The following VAT1 variants were observed in gnomAD, a reference collection of about 807,000 sequenced individuals.
VAT1 encodes the protein NADPH-dependent quinone oxidoreductase VAT1.
A neutral mutation model predicts 33.3 loss-of-function variants in VAT1; 24 were observed. The ratio of observed to expected loss-of-function variants is 0.72; its 90% CI spans 0.52 to 1.01. The LOEUF is 1.01. Ranked by LOEUF, VAT1 falls within the 50% of genes least tolerant of loss-of-function variation. VAT1 has a pLI of 0.00. For synonymous variants in VAT1, 212 were observed against 225.0 expected (o/e 0.94, Z 0.52); for missense variants, 436 against 533.7 (o/e 0.82, Z 1.80).
At position 43,014,785 on chromosome 17, in the gene VAT1, TA is replaced by T. The variant is rs2151970111; in HGVS notation, c.*1275del. 1 of 153,830 alleles carries T rather than the reference TA, an allele frequency of 6.5e-6. No individual in the cohort carries two copies. The highest frequency in any genetic ancestry group is 2.0e-4 in the South Asian group (1 of 4,884). 9.5% of individuals were successfully genotyped at this position (153,830 alleles called of 1,614,324 possible). ...TTGGGGCAATAACCCTCCCTAATCC[TA>T]GCTCAGTGAGTAGAGGGAGTGACCT... is the stretch of plus-strand genomic sequence containing the variant. On this transcript the variant is annotated 3_prime_UTR_variant, in exon 6 of 6. Transcript: ENST00000355653.
At chr17:43,018,850 C>CTAT (rs1347139319) in intron 1 of VAT1, 51 bp from the exon 2 acceptor site, 1 of 1,601,310 alleles carries the variant, frequency 6.2e-7, no homozygotes. Flanking sequence ...CACCCACAGG[C>CTAT]TATTTACTGA....
Position 43,018,789 on chromosome 17 carries a change from C to T in VAT1, c.398G>A (p.Arg133Gln), listed in dbSNP as rs147099695. 2.3e-4 allele frequency: 364 copies of T among 1,614,028 alleles called. No homozygotes were observed. The highest frequency in any genetic ancestry group is 2.8e-4 in the Non-Finnish European group (336 of 1,180,048). The change falls in exon 2 of 6, where the codon CGG (arginine) becomes CAG (glutamine). Residue 133 changes from arginine to glutamine, a missense_variant. Physicochemically the swap from Arg to Gln is conservative, Grantham distance 43. Around this residue, in one of 2 missense-constraint regions of VAT1, gnomAD observed 282 missense variants for 405.4 expected, o/e 0.70. Transcript: ENST00000355653. ...EGVSDRKAGD[R>Q]VMVLNRSGMW... ...CCCTGACCGGTTCAACACCATCACC[C>T]GGTCTCCTGCCTTGAAGAACAGAAG...
At chr17:43,020,043 A>G (rs1483712549) in intron 1 of VAT1, 54 of 948,406 alleles carry the variant, frequency 5.7e-5, no homozygotes, top group Non-Finnish European at 6.7e-5. Context: ...GGGACTCAGG[A>G]CTAGCAGATA....
rs753416587 is a variant in VAT1, at chr17:43,016,483, G to A, written c.922C>T (p.Gln308Ter). Residue 308 changes from glutamine (Q) to a stop codon, truncating the protein, a stop_gained, in exon 5 of 6, where the codon CAG becomes TAG. Coordinates refer to ENST00000355653, the MANE Select transcript of VAT1 (RefSeq NM_006373.4). LOFTEE classifies it high-confidence loss of function. The stretch of plus-strand genomic sequence containing the variant: ...AGCTGCAGAGCTGTCACGCTGAACT[G>A]ATTCCACCATGTCCGGGCCAGGGCC... ...LMALARTWWN[Q>*]FSVTALQLLQ... 2 of 1,614,178 alleles carry A rather than the reference G, an allele frequency of 1.2e-6. No individual in the cohort carries two copies. The highest frequency in any genetic ancestry group is 2.2e-5 in the South Asian group (2 of 91,080).
Position 43,015,842 on chromosome 17 carries a change from G to A in VAT1, c.*219C>T, listed in dbSNP as rs1370253594. 2.4e-5 allele frequency: 15 copies of A among 614,534 alleles called. No individual in the cohort carries two copies. In the East Asian group the frequency reaches 2.5e-4, roughly 10 times the overall value. The allele number at this position is 614,534 out of a possible 1,614,324, so 38.1% of individuals were successfully genotyped here. A position where few individuals can be genotyped will look rare whatever the true frequency, so the allele number is the denominator to read the frequency against. ...CGGCCTCCCTCTGACCCTCCCTGTC[G>A]CCTTGGCAGGGCCCAGACATCCAAA... On this transcript the variant is annotated 3_prime_UTR_variant, in exon 6 of 6. Transcript: ENST00000355653.
rs1455230555 is a variant in VAT1 at position 43,015,248 on chromosome 17, C to T, written c.*813G>A. 2 of 152,582 alleles carry T rather than the reference C, an allele frequency of 1.3e-5. No homozygotes were observed. Among genetic ancestry groups the T allele is most frequent in the Admixed American group, 6.6e-5 (1 of 15,236 alleles). 9.5% of individuals were successfully genotyped at this position (152,582 alleles called of 1,614,324 possible). On this transcript the variant is annotated 3_prime_UTR_variant, in exon 6 of 6. Transcript: ENST00000355653. ...TTGTGGGACTGGGGAGGAGAGAAAC[C>T]CCAGCTCCACCAGAACAAGGAAGGC...
At position 43,016,142 on chromosome 17, in the gene VAT1, C is replaced by T; in HGVS notation, c.1101G>A (p.Val367=). ...HIDSVWPFEK[V]ADAMKQMQEK... The stretch of plus-strand genomic sequence containing the variant: ...CCTGCATCTGTTTCATGGCATCAGC[C>T]ACCTGGGGAGGAAGGAAAGATGCGG... The change falls in exon 6 of 6, where the codon GTG becomes GTA. Residue 367 remains valine, a splice_region_variant and synonymous_variant. Transcript: ENST00000355653. The T allele has an allele frequency of 1.9e-6, 3 of 1,614,136 alleles. No individual in the cohort carries two copies. The highest frequency in any genetic ancestry group is 1.1e-5 in the South Asian group (1 of 91,082).
intron 1 of VAT1, chr17:43,019,435 T>C (rs2050547571): frequency 6.5e-6 from 1 of 152,732 alleles, no homozygotes; most frequent in Non-Finnish European, 1.5e-5. Flanking sequence ...AAGACGGCAC[T>C]GTGTGGTCAG....
At position 43,022,316 on chromosome 17, in the gene VAT1, C is replaced by G. The variant is rs1205795309; in HGVS notation, c.7G>C (p.Asp3His). The change falls in exon 1 of 6, where the codon GAC becomes CAC. Residue 3 changes from aspartate (D) to histidine (H), a missense_variant. Physicochemically the swap from Asp to His is moderately conservative, Grantham distance 81. This residue lies in a region of VAT1 where 154 missense variants were observed against 128.3 expected (regional missense o/e 1.20). Coordinates refer to ENST00000355653, the MANE Select transcript of VAT1 (RefSeq NM_006373.4). ...GCTGCCTCGGCTACCTCTCTCTCGT[C>G]GGACATGGCTGGGACTCCCGACGAG... MSDEREVAEAATG... is the reference protein window; with the variant it reads MSHEREVAEAATG... 2 of 1,579,538 alleles carry G rather than the reference C, an allele frequency of 1.3e-6. No homozygotes were observed. The highest frequency in any genetic ancestry group is 1.7e-6 in the Non-Finnish European group (2 of 1,165,568).
Position 43,017,789 on chromosome 17 carries a change from AC to A in VAT1, c.856+51del, listed in dbSNP as rs780618587. On this transcript the variant is annotated intron_variant, in intron 4 of 5. Transcript: ENST00000355653. ...CTGGCCTCTATATCCCACCCCTTAG[AC>A]CCTCCCTCCTGCCCTCACATGCTCT... 1.9e-6 allele frequency: 3 copies of A among 1,559,964 alleles called. No individual in the cohort carries two copies. The East Asian group carries it at 6.7e-5, about 35-fold the overall frequency.
At chr17:43,020,260 C>G (rs1035279958) in intron 1 of VAT1, 1 of 985,332 alleles carries the variant, frequency 1.0e-6, no homozygotes, top group African/African-American at 1.7e-5. Context: ...AGAATCCAGG[C>G]TCTTACATCA....
intron 5 of VAT1, 35 bp downstream of exon 5, chr17:43,016,272 T>C: frequency 1.9e-6 from 3 of 1,606,958 alleles, no homozygotes; most frequent in South Asian, 1.1e-5. Flanking sequence ...TCATGAGTCC[T>C]ACCCAAGCCC....
At position 43,022,090 on chromosome 17, in the gene VAT1, T is replaced by C. The variant is rs776140745; in HGVS notation, c.233A>G (p.Gln78Arg). The C allele has an allele frequency of 6.3e-7, 1 of 1,588,252 alleles. No individual in the cohort carries two copies. Among genetic ancestry groups the C allele is most frequent in the Admixed American group, 1.8e-5 (1 of 56,750 alleles). The change falls in exon 1 of 6, where the codon CAG (glutamine) becomes CGG (arginine). Residue 78 changes from glutamine to arginine, a missense_variant. Coordinates refer to ENST00000355653, the MANE Select transcript of VAT1 (RefSeq NM_006373.4). ...PAAPPAPGPG[Q>R]LTLRLRACGL... is the part of the protein sequence containing the mutation. ...GCAGGCCCGCAGACGCAGCGTCAGC[T>C]GGCCGGGCCCAGGGGCCGGGGGCGC...
At position 43,015,667 on chromosome 17, in the gene VAT1, G is replaced by A. The variant is rs1218656862; in HGVS notation, c.*394C>T. On this transcript the variant is annotated 3_prime_UTR_variant, in exon 6 of 6. Transcript: ENST00000355653. ...GATTGGCCCCATATCCTGAGCTGAC[G>A]TTTCAATTCTTTGGGGAGGTGGCGG... The A allele has an allele frequency of 3.0e-5, 8 of 263,074 alleles. No homozygotes were observed. Among genetic ancestry groups the A allele is most frequent in the Admixed American group, 3.0e-4 (6 of 19,954 alleles). 16.3% of individuals were successfully genotyped at this position (263,074 alleles called of 1,614,324 possible).
Position 43,018,626 on chromosome 17 carries a change from C to G in VAT1, c.561G>C (p.Gln187His). The G allele has an allele frequency of 6.2e-7, 1 of 1,614,006 alleles. No homozygotes were observed. Among genetic ancestry groups the G allele is most frequent in the Non-Finnish European group, 8.5e-7 (1 of 1,180,050 alleles). ...YMVLFDFGNLQPGHSVLVHMA... is the reference protein window; with the variant it reads ...YMVLFDFGNLHPGHSVLVHMA... ...TGTGTACCAAGACGCTGTGGCCAGG[C>G]TGTAGGTTGCCGAAGTCAAAGAGGA... The change falls in exon 2 of 6, where the codon CAG (glutamine) becomes CAC (histidine). Residue 187 changes from glutamine (Q) to histidine (H), a missense_variant. This residue lies in a region of VAT1 where 282 missense variants were observed against 405.4 expected (regional missense o/e 0.70). Coordinates refer to ENST00000355653, the MANE Select transcript of VAT1 (RefSeq NM_006373.4).
chr17:43,020,031 C>G, intron 1 of VAT1: 1 of 916,388 alleles, frequency 1.1e-6, no homozygotes, highest in Non-Finnish European at 1.3e-6. Context: ...GCCCTCCACC[C>G]AGGGACTCAG....
chr17:43,022,254 G>A lies in VAT1; in HGVS notation c.69C>T (p.Thr23=). Residue 23 remains threonine (T), a synonymous_variant, in exon 1 of 6, where the codon ACC becomes ACT. Coordinates refer to ENST00000355653, the MANE Select transcript of VAT1 (RefSeq NM_006373.4). The stretch of plus-strand genomic sequence containing the variant: ...GATGCTGGGGGTCGCTCGCTGCCTC[G>A]GTTTTCGGAGGCGGCGAAGAGGCGT... The part of the protein sequence containing the change: ...GEDASSPPPK[T]EAASDPQHPA... 6.3e-7 allele frequency: 1 copy of A among 1,585,312 alleles called. No individual in the cohort carries two copies.
Position 43,015,866 on chromosome 17 carries a change from A to C in VAT1, c.*195T>G. The C allele has an allele frequency of 1.5e-6, 1 of 674,266 alleles. No homozygotes were observed. The highest frequency in any genetic ancestry group is 2.6e-6 in the Non-Finnish European group (1 of 386,352). 41.8% of individuals were successfully genotyped at this position (674,266 alleles called of 1,614,324 possible). On this transcript the variant is annotated 3_prime_UTR_variant, in exon 6 of 6. Coordinates refer to ENST00000355653, the MANE Select transcript of VAT1 (RefSeq NM_006373.4). ...CGCCTTGGCAGGGCCCAGACATCCA[A>C]ATGGTCACTTCCCAACCTCTTCAGA... is the stretch of plus-strand genomic sequence containing the variant.
rs765451512 is a variant in VAT1 at position 43,022,161 on chromosome 17, G to A, written c.162C>T (p.Thr54=). Residue 54 remains threonine (T), a synonymous_variant, in exon 1 of 6, where the codon ACC becomes ACT. Transcript: ENST00000355653. ...TCACCTTGTCGTAGCCTCCAAAGCC[G>A]GTGAGCACTAGGCAGCGCAGCAGTG... ...SPPLLRCLVL[T]GFGGYDKVKL... is the part of the protein sequence containing the mutation. 57 of 1,559,120 alleles carry A rather than the reference G, an allele frequency of 3.7e-5. No homozygotes were observed. In the South Asian group the frequency reaches 6.4e-4, roughly 18 times the overall value.
Sources: gnomAD v4.1 joint callset for allele counts on GRCh38, gnomAD v4.1.1 for gene constraint, gnomAD v4.1.1 regional missense constraint, MANE v1.5 for transcripts, NCBI Gene and HGNC (gene_info 2026-07-23, HGNC 2026-07-21) for gene names.